Variants in DDX42 observed in about 807,000 individuals in gnomAD.
DDX42 encodes the protein DEAD-box helicase 42, also known as ATP-dependent RNA helicase DDX42.
A neutral mutation model predicts 101.5 loss-of-function variants in DDX42; 22 were observed. The ratio of observed to expected loss-of-function variants is 0.22; its 90% confidence interval spans 0.15 to 0.31. DDX42 has a LOEUF of 0.31. Ranked by LOEUF, DDX42 falls within the 10% of genes least tolerant of loss-of-function variation. The pLI is 1.00. For synonymous variants in DDX42, 402 were observed against 401.2 expected (o/e 1.00, Z -0.02); for missense variants, 849 against 1,199.9 (o/e 0.71, Z 4.32).
intron 9 of DDX42, 96 bp from the exon 10 acceptor site, chr17:63,808,724 T>TA: frequency 6.6e-7 from 1 of 1,505,540 alleles, no homozygotes; most frequent in Non-Finnish European, 9.0e-7. Context: ...TTCGATTTTT[T>TA]ATGACATCAC....
rs11450730 is a variant in DDX42, at chr17:63,810,251, ATTT to A, written c.1253-243_1253-241del. 7.0e-3 allele frequency: 845 copies of A among 121,192 alleles called. 6 individuals are homozygous for A. The highest frequency in any genetic ancestry group is 0.023 in the African/African-American group (715 of 30,950). The allele number at this position is 121,192 out of a possible 1,614,324, so 7.5% of individuals were successfully genotyped here. ...TAGGCACCTACCCCACAGCCTGGCT[ATTT>A]TTTTTTTTTTTTTTTTTTGGTATTT... On this transcript the variant is annotated intron_variant, in intron 11 of 17. Coordinates refer to ENST00000389924, the MANE Select transcript of DDX42 (RefSeq NM_203499.3).
At chr17:63,778,576 A>G (rs1422760417) in intron 1 of DDX42, among the ~76,000 whole-genome samples, 1 of 152,228 alleles carries the variant, frequency 6.6e-6, no homozygotes, top group Non-Finnish European at 1.5e-5. Flanking sequence ...TTACTGGCAC[A>G]AAATAGGCAC....
rs1358493986 is a variant in DDX42 at position 63,800,900 on chromosome 17, TTTCTTTCTTTTCTTTCCTTCCTTCC to T, written c.621+286_621+310del. Among the ~76,000 whole-genome samples the T allele has an allele frequency of 1.7e-4, 3 of 17,696 alleles. No homozygotes were observed. The African/African-American group carries it at 5.1e-3, about 30-fold the overall frequency. 11.6% of individuals were successfully genotyped at this position (17,696 alleles called of 152,430 possible). ...TATTTCTTTCTTTTCTTTCTTTCTC[TTTCTTTCTTTTCTTTCCTTCCTTCC>T]TTTCTTTCTTTTCTTTCCTTCCTTC... On this transcript the variant is annotated intron_variant, in intron 6 of 17. Transcript: ENST00000389924.
At chr17:63,800,160 A>T (rs141347308) in intron 5 of DDX42, 1 of 279,348 alleles carries the variant, frequency 3.6e-6, no homozygotes, top group Non-Finnish European at 6.7e-6. Context: ...AAGCCACAGC[A>T]TGTGTTCTAT....
intron 17 of DDX42, 63 bp from the exon 18 acceptor site, chr17:63,817,631 T>C (rs2039992297): frequency 3.3e-6 from 5 of 1,513,844 alleles, no homozygotes; most frequent in East Asian, 2.3e-5. Context: ...ATTTGCCAAG[T>C]TGTATATTCA....
intron 15 of DDX42, 50 bp downstream of exon 15, chr17:63,813,504 AT>A (rs1441163228): frequency 3.9e-6 from 6 of 1,527,316 alleles, no homozygotes; most frequent in Admixed American, 3.4e-5. Flanking sequence ...AGACCAAGAC[AT>A]TTTAGCAGTC....
intron 1 of DDX42, among the ~76,000 whole-genome samples, chr17:63,775,602 C>T (rs1170160394): frequency 2.0e-5 from 3 of 152,064 alleles, no homozygotes; most frequent in African/African-American, 4.8e-5. Flanking sequence ...GGGAAAGGAA[C>T]GTTCCAAGCT....
intron 13 of DDX42, chr17:63,811,601 C>CATAT (rs1380663632): frequency 8.7e-6 from 4 of 461,910 alleles, no homozygotes; most frequent in African/African-American, 7.8e-5. Context: ...CTTACCTGTA[C>CATAT]ATATGCGCTA....
chr17:63,774,250 G>A lies in DDX42; in HGVS notation c.-143G>A. ...CGGCGGCGGTGGTGGTGGTGGCGGC[G>A]GCGGCGGCGAAGGGGGCGGAGAGGA... On this transcript the variant is annotated 5_prime_UTR_variant, in exon 1 of 18. Coordinates refer to ENST00000389924, the MANE Select transcript of DDX42 (RefSeq NM_203499.3). 1 of 304,658 alleles carries A rather than the reference G, an allele frequency of 3.3e-6. No individual in the cohort carries two copies. The highest frequency in any genetic ancestry group is 5.9e-6 in the Non-Finnish European group (1 of 168,842). 18.9% of individuals were successfully genotyped at this position (304,658 alleles called of 1,614,324 possible).
intron 2 of DDX42, among the ~76,000 whole-genome samples, chr17:63,791,446 G>T (rs1431978924): frequency 6.6e-6 from 1 of 152,046 alleles, no homozygotes; most frequent in African/African-American, 2.4e-5. Context: ...CGAGTAGCTG[G>T]GATTACGGGC....
intron 7 of DDX42, chr17:63,805,386 T>TGTTTCATATTTCAGTCA: frequency 1.8e-6 from 1 of 555,938 alleles, no homozygotes; most frequent in South Asian, 2.4e-5. Flanking sequence ...ATCATTTTCT[T>TGTTTCATATTTCAGTCA]GTTTCATATT....
At chr17:63,781,062 TAAAC>T (rs1183682038) in intron 1 of DDX42, among the ~76,000 whole-genome samples, 1 of 152,192 alleles carries the variant, frequency 6.6e-6, no homozygotes, top group South Asian at 2.1e-4. Context: ...CTATCATTGA[TAAAC>T]AGCCTACAAA....
At chr17:63,803,057 G>C (rs2039792098) in intron 6 of DDX42, among the ~76,000 whole-genome samples, 1 of 152,106 alleles carries the variant, frequency 6.6e-6, no homozygotes, top group Admixed American at 6.5e-5. Context: ...TTAATATAAT[G>C]AAATGTGTTA....
intron 1 of DDX42, among the ~76,000 whole-genome samples, chr17:63,778,117 G>A (rs759736361): frequency 2.0e-5 from 3 of 152,206 alleles, no homozygotes; most frequent in Non-Finnish European, 2.9e-5. Context: ...CCTCCCTTCT[G>A]TGAGACTTTT....
intron 1 of DDX42, among the ~76,000 whole-genome samples, chr17:63,785,918 C>T (rs1202920107): frequency 6.6e-6 from 1 of 152,180 alleles, no homozygotes; most frequent in African/African-American, 2.4e-5. Context: ...AGGATAACCT[C>T]TAGTTTTCGG....
intron 1 of DDX42, among the ~76,000 whole-genome samples, chr17:63,781,844 A>G (rs1403082026): frequency 1.3e-5 from 1 of 79,408 alleles, no homozygotes; most frequent in Non-Finnish European, 2.8e-5. Flanking sequence ...CCCCGTCTCT[A>G]CTAAAAATAC....
chr17:63,810,251 ATTTTTT>A (rs11450730), intron 11 of DDX42: 2 of 119,926 alleles, frequency 1.7e-5, no homozygotes, highest in African/African-American at 3.3e-5. Context: ...CAGCCTGGCT[ATTTTTT>A]TTTTTTTTTT....
In DDX42 at chr17:63,815,647, C is replaced by T. The variant is rs765694128; in HGVS notation, c.1987C>T (p.Arg663Trp). ...IGGGGLGYRE[R>W]PGLGSENMDR... ...TGGAGGAGGCCTAGGCTACAGGGAGCGGCCTGGCCTGGGCTCTGAGAACAT... is the reference window on the plus strand; with the variant it reads ...TGGAGGAGGCCTAGGCTACAGGGAGTGGCCTGGCCTGGGCTCTGAGAACAT... Residue 663 changes from arginine (R) to tryptophan (W), a missense_variant, in exon 16 of 18, where the codon CGG becomes TGG. By Grantham distance (101) the Arg-to-Trp change is moderately radical (BLOSUM62 -3). Transcript: ENST00000389924. 2.6e-5 allele frequency: 42 copies of T among 1,613,368 alleles called. No homozygotes were observed. The highest frequency in any genetic ancestry group is 1.7e-6 in the Non-Finnish European group (2 of 1,179,630).
At chr17:63,803,895 C>T (rs555261270) in intron 6 of DDX42, among the ~76,000 whole-genome samples, 2 of 152,158 alleles carry the variant, frequency 1.3e-5, no homozygotes, top group South Asian at 2.1e-4. Flanking sequence ...AGTGATCCAT[C>T]GGCCTCAGCC....
Sources: allele counts gnomAD v4.1 joint callset (sites outside exome capture counted in the v4.1 genomes callset), GRCh38; gene constraint gnomAD v4.1.1; transcripts MANE v1.5; gene names NCBI Gene and HGNC (gene_info 2026-07-23, HGNC 2026-07-21).